The following ALKBH8 variants were observed in gnomAD, a reference collection of about 807,000 sequenced individuals.
ALKBH8 encodes the protein tRNA (carboxymethyluridine(34)-5-O)-methyltransferase ALKBH8.
ALKBH8 carries 36 observed loss-of-function variants against 59.8 expected under a neutral mutation model. The ratio of observed to expected loss-of-function variants is 0.60; its 90% confidence interval spans 0.46 to 0.79. ALKBH8 has a LOEUF of 0.79. ALKBH8 is among the 30% of genes least tolerant of loss of function. The pLI is 0.00. For missense variants in ALKBH8, 768 were observed against 801.0 expected, an observed-to-expected ratio of 0.96 and a Z score of 0.50; for synonymous variants, 276 against 273.6, an observed-to-expected ratio of 1.01 and a Z score of -0.09.
rs183909501 is a variant in ALKBH8 at position 107,526,084 on chromosome 11, T to G, written c.879-492A>C. Among the ~76,000 whole-genome samples, 11 of 152,164 alleles carry G rather than the reference T, an allele frequency of 7.2e-5. No homozygotes were observed. The East Asian group carries it at 2.1e-3, about 29-fold the overall frequency. On this transcript the variant is annotated intron_variant, in intron 8 of 11. Transcript: ENST00000428149. ...TGAACATTCTTATACACATCATTTT[T>G]GGATATATAGTTTTATTCCTCTTGG...
rs922159327 is a variant in ALKBH8, at chr11:107,504,709, C to G, written c.1944G>C (p.Leu648=). ...ACRTVSDVRI[L]QSYYDQGNWC... is the part of the protein sequence containing the mutation. ...AGTTTCCTTGATCGTAGTAGCTTTG[C>G]AGAATTCTGACATCACTCACAGTCC... The change falls in exon 12 of 12, where the codon CTG becomes CTC. Residue 648 remains leucine, a synonymous_variant. Transcript: ENST00000428149. 1.9e-6 allele frequency: 3 copies of G among 1,551,060 alleles called. No homozygotes were observed. The highest frequency in any genetic ancestry group is 2.6e-6 in the Non-Finnish European group (3 of 1,146,734).
chr11:107,526,035 G>A (rs894011118), intron 8 of ALKBH8, among the ~76,000 whole-genome samples: 1 of 151,756 alleles, frequency 6.6e-6, no homozygotes, highest in Non-Finnish European at 1.5e-5. Flanking sequence ...CCACAGTTTG[G>A]GACTATTACA....
At position 107,522,349 on chromosome 11, in the gene ALKBH8, T is replaced by A; in HGVS notation, c.1237A>T (p.Ile413Phe). 1.3e-6 allele frequency: 2 copies of A among 1,551,652 alleles called. No homozygotes were observed. The highest frequency in any genetic ancestry group is 1.7e-6 in the Non-Finnish European group (2 of 1,146,956). The change falls in exon 10 of 12, where the codon ATT (isoleucine) becomes TTT (phenylalanine). Residue 413 changes from isoleucine to phenylalanine, a missense_variant. Ile to Phe is a conservative substitution (Grantham distance 21). Coordinates refer to ENST00000428149, the MANE Select transcript of ALKBH8 (RefSeq NM_138775.3). ...AGATACTTTCCATTACCACATCCAA[T>A]ATCAGCCACTATTGAACCACTTGGC... ...ALPSGSIVADIGCGNGKYLGI... is the reference protein window; with the variant it reads ...ALPSGSIVADFGCGNGKYLGI...
chr11:107,511,060 A>G, intron 10 of ALKBH8, 24 bp from the exon 11 acceptor site: 1 of 1,550,424 alleles, frequency 6.4e-7, no homozygotes, highest in African/African-American at 1.4e-5. Flanking sequence ...GGAATTCCAT[A>G]ACATTTTGTT....
chr11:107,524,312 C>T (rs991272381), intron 9 of ALKBH8, among the ~76,000 whole-genome samples: 3 of 152,120 alleles, frequency 2.0e-5, no homozygotes, highest in African/African-American at 7.2e-5. Flanking sequence ...AATTCTCTTG[C>T]CTCAGCCTCC....
chr11:107,506,160 G>C (rs1472984241), intron 11 of ALKBH8, among the ~76,000 whole-genome samples: 1 of 152,112 alleles, frequency 6.6e-6, no homozygotes, highest in Non-Finnish European at 1.5e-5. Flanking sequence ...GCTTTCACTT[G>C]AGACCCAGAA....
chr11:107,553,293 T>C lies in ALKBH8; in HGVS notation c.500-90A>G, dbSNP rs983184805. The C allele has an allele frequency of 1.1e-5, 8 of 743,846 alleles. No individual in the cohort carries two copies. The African/African-American group carries it at 1.5e-4, about 14-fold the overall frequency. 46.1% of individuals were successfully genotyped at this position (743,846 alleles called of 1,614,324 possible). On this transcript the variant is annotated intron_variant, in intron 4 of 11. Coordinates refer to ENST00000428149, the MANE Select transcript of ALKBH8 (RefSeq NM_138775.3). ...GTCAACTTTTTGAGTAAGGATTAGT[T>C]TAGTAATGGCAACTTCTGTTAATTG...
At chr11:107,558,809 A>T (rs1864817374) in intron 2 of ALKBH8, among the ~76,000 whole-genome samples, 1 of 152,242 alleles carries the variant, frequency 6.6e-6, no homozygotes. Context: ...TATGAAGTAG[A>T]GAATGTGAAT....
At chr11:107,563,539 T>C (rs957636556) in intron 1 of ALKBH8, 8 of 152,198 alleles carry the variant, frequency 5.3e-5, no homozygotes, top group Middle Eastern at 3.4e-3. Flanking sequence ...TTATTATTTA[T>C]TTATTACTGT....
chr11:107,554,280 T>G (rs1424071877), intron 3 of ALKBH8, among the ~76,000 whole-genome samples: 1 of 152,206 alleles, frequency 6.6e-6, no homozygotes, highest in Admixed American at 6.5e-5. Context: ...ATCCACAGTA[T>G]GCATCTCCAT....
chr11:107,510,882 C>T lies in ALKBH8; in HGVS notation c.1437+5G>A, dbSNP rs1038999457. The T allele has an allele frequency of 1.3e-6, 2 of 1,550,874 alleles. No individual in the cohort carries two copies. The highest frequency in any genetic ancestry group is 1.7e-6 in the Non-Finnish European group (2 of 1,146,722). ...GTTCTTAAGAGAAAGAAAGACCATA[C>T]TTACTGCTGTTGCAAAATGATGAAT... On this transcript the variant is annotated splice_donor_5th_base_variant and intron_variant, in intron 11 of 11. Coordinates refer to ENST00000428149, the MANE Select transcript of ALKBH8 (RefSeq NM_138775.3).
chr11:107,555,163 G>A (rs1285169081), intron 3 of ALKBH8, among the ~76,000 whole-genome samples: 1 of 152,064 alleles, frequency 6.6e-6, no homozygotes, highest in African/African-American at 2.4e-5. Flanking sequence ...GGGAGGCTGA[G>A]GAAGGAGAAT....
Position 107,503,935 on chromosome 11 carries a change from T to C in ALKBH8, c.*723A>G, listed in dbSNP as rs1862272556. On this transcript the variant is annotated 3_prime_UTR_variant, in exon 12 of 12. Transcript: ENST00000428149. ...CTCATTTTATGTTTTTCATGGCATT[T>C]ATCACTATCTGGCACATAGTATCTA... 1 of 152,238 alleles carries C rather than the reference T, an allele frequency of 6.6e-6. No homozygotes were observed. The highest frequency in any genetic ancestry group is 6.5e-5 in the Admixed American group (1 of 15,276). 9.4% of individuals were successfully genotyped at this position (152,238 alleles called of 1,614,324 possible).
chr11:107,517,007 G>C (rs1023656270), intron 10 of ALKBH8, among the ~76,000 whole-genome samples: 2 of 152,096 alleles, frequency 1.3e-5, no homozygotes, highest in Non-Finnish European at 2.9e-5. Flanking sequence ...CTGGGCAACA[G>C]AGCAAGACCT....
intron 8 of ALKBH8, among the ~76,000 whole-genome samples, chr11:107,530,245 T>C (rs766346682): frequency 6.6e-6 from 1 of 152,198 alleles, no homozygotes; most frequent in African/African-American, 2.4e-5. Flanking sequence ...ATGGCTAGAA[T>C]AGTAAATTTG....
At chr11:107,539,260 C>T (rs1394860223) in intron 7 of ALKBH8, among the ~76,000 whole-genome samples, 1 of 152,170 alleles carries the variant, frequency 6.6e-6, no homozygotes, top group Non-Finnish European at 1.5e-5. Context: ...GACCTTTAAA[C>T]CTTCTACCTA....
In ALKBH8 at chr11:107,557,339, G is replaced by A. The variant is rs192771648; in HGVS notation, c.130-336C>T. Among the ~76,000 whole-genome samples the A allele has an allele frequency of 7.1e-3, 1,075 of 152,192 alleles. 14 individuals carry two copies. The highest frequency in any genetic ancestry group is 0.025 in the African/African-American group (1,019 of 41,532). On this transcript the variant is annotated intron_variant, in intron 2 of 11. Transcript: ENST00000428149. The stretch of plus-strand genomic sequence containing the variant: ...TAATGAAAGAGGTGGAGAGGAGAAA[G>A]GACAGTTACATAACACTTGCTTTTT...
chr11:107,518,376 C>T (rs1453218429), intron 10 of ALKBH8, among the ~76,000 whole-genome samples: 1 of 152,200 alleles, frequency 6.6e-6, no homozygotes, highest in Non-Finnish European at 1.5e-5. Context: ...TTCACTGCAG[C>T]CCTGAACTCC....
chr11:107,565,397 AC>A, intron 1 of ALKBH8: 1 of 644,130 alleles, frequency 1.6e-6, no homozygotes, highest in Admixed American at 3.0e-5. Flanking sequence ...CCAAACACAA[AC>A]ACATGCACCC....
Sources: gnomAD v4.1 joint callset for allele counts (sites outside exome capture counted in the v4.1 genomes callset) on GRCh38, gnomAD v4.1.1 for gene constraint, MANE v1.5 for transcripts, NCBI Gene and HGNC (gene_info 2026-07-23, HGNC 2026-07-21) for gene names.